C8orf34: variants seen among roughly 807,000 people sequenced by gnomAD.
The protein encoded by C8orf34 is uncharacterized protein C8orf34.
Under a neutral mutation model 68.3 loss-of-function variants are expected in C8orf34, and 65 were observed. That is an observed-to-expected ratio of 0.95 (90% CI 0.78 to 1.17). C8orf34 has a LOEUF of 1.17. Ranked by LOEUF, C8orf34 falls within the 50% of genes most tolerant of loss-of-function variation. C8orf34 has a pLI of 0.00. For synonymous variants in C8orf34, 244 were observed against 241.2 expected, an observed-to-expected ratio of 1.01 and a Z score of -0.11; for missense variants, 664 against 655.4, an observed-to-expected ratio of 1.01 and a Z score of -0.14.
chr8:68,331,651 G>A (rs1336668133), intron 1 of C8orf34, among the ~76,000 whole-genome samples: 2 of 151,874 alleles, frequency 1.3e-5, no homozygotes, highest in African/African-American at 4.8e-5. Flanking sequence ...CAGGACCCGG[G>A]CAGGCTGAGG....
chr8:68,433,286 C>G (rs965409216), intron 1 of C8orf34, among the ~76,000 whole-genome samples: 2 of 152,100 alleles, frequency 1.3e-5, no homozygotes, highest in Non-Finnish European at 2.9e-5. Flanking sequence ...AAATAACATT[C>G]TACAGCTGAT....
chr8:68,584,781 T>G (rs1225243284), intron 7 of C8orf34, among the ~76,000 whole-genome samples: 1 of 152,170 alleles, frequency 6.6e-6, no homozygotes, highest in Non-Finnish European at 1.5e-5. Flanking sequence ...TGGTTCTTAT[T>G]GCATAGAAAT....
intron 12 of C8orf34, among the ~76,000 whole-genome samples, chr8:68,803,824 T>A (rs1219891320): frequency 2.6e-5 from 4 of 152,128 alleles, no homozygotes; most frequent in Admixed American, 6.6e-5. Context: ...CATTTTTTTT[T>A]AACTGAATTA....
chr8:68,471,986 A>T (rs1444457526), intron 4 of C8orf34, among the ~76,000 whole-genome samples: 1 of 151,668 alleles, frequency 6.6e-6, no homozygotes, highest in Non-Finnish European at 1.5e-5. Flanking sequence ...ACCAGGAAAG[A>T]CTAGATAGTC....
At chr8:68,798,023 T>C (rs898292393) in intron 12 of C8orf34, among the ~76,000 whole-genome samples, 9 of 152,104 alleles carry the variant, frequency 5.9e-5, no homozygotes, top group African/African-American at 2.2e-4. Flanking sequence ...TGAAGACAGC[T>C]AGAAAAATGA....
At chr8:68,452,540 GT>G (rs1811387637) in intron 3 of C8orf34, among the ~76,000 whole-genome samples, 1 of 150,810 alleles carries the variant, frequency 6.6e-6, no homozygotes. Context: ...ATCTTTTCAA[GT>G]GTTTCTTGGC....
intron 3 of C8orf34, chr8:68,447,805 G>A (rs996599331): frequency 6.6e-6 from 1 of 152,084 alleles, no homozygotes; most frequent in Admixed American, 6.5e-5. Context: ...AACTTAAAAT[G>A]TTCTTCAGAA....
intron 8 of C8orf34, among the ~76,000 whole-genome samples, chr8:68,643,957 T>G (rs1819090514): frequency 6.6e-6 from 1 of 152,164 alleles, no homozygotes; most frequent in Non-Finnish European, 1.5e-5. Context: ...CCAGTGCACT[T>G]TGGTCTGTCT....
At chr8:68,672,504 G>A (rs1286821169) in intron 8 of C8orf34, among the ~76,000 whole-genome samples, 1 of 152,170 alleles carries the variant, frequency 6.6e-6, no homozygotes, top group Admixed American at 6.5e-5. Context: ...GAAACTCAGT[G>A]CTGCCCGGTC....
Position 68,712,524 on chromosome 8 carries a change from G to A in C8orf34, c.1327+3445G>A, listed in dbSNP as rs552430635. Among the ~76,000 whole-genome samples the A allele has an allele frequency of 3.4e-4, 51 of 152,228 alleles. No homozygotes were observed. The South Asian group carries it at 1.0e-2, about 30-fold the overall frequency. ...TATTCCATGCAAATGGACACCAAAA[G>A]TGAGCAGGAGTAGGTATTTTTATAT... On this transcript the variant is annotated intron_variant, in intron 9 of 13. Coordinates refer to ENST00000518698, the MANE Select transcript of C8orf34 (RefSeq NM_052958.4).
chr8:68,423,160 G>A (rs995472021), intron 1 of C8orf34, among the ~76,000 whole-genome samples: 6 of 152,108 alleles, frequency 3.9e-5, no homozygotes, highest in South Asian at 2.1e-4. Context: ...TTTCTGCAGC[G>A]GGCTTGAATT....
At chr8:68,718,894 T>G (rs548224937) in intron 9 of C8orf34, among the ~76,000 whole-genome samples, 1 of 151,980 alleles carries the variant, frequency 6.6e-6, no homozygotes, top group Non-Finnish European at 1.5e-5. Flanking sequence ...CTTCAGTTTC[T>G]TCTTCTCTAA....
intron 9 of C8orf34, among the ~76,000 whole-genome samples, chr8:68,715,293 G>T (rs991242881): frequency 6.6e-6 from 1 of 152,124 alleles, no homozygotes; most frequent in African/African-American, 2.4e-5. Flanking sequence ...GAACTAAAAA[G>T]CTTCTGCACA....
chr8:68,512,017 C>T (rs1028689597), intron 5 of C8orf34, among the ~76,000 whole-genome samples: 1 of 152,124 alleles, frequency 6.6e-6, no homozygotes, highest in Non-Finnish European at 1.5e-5. Context: ...TCAAATGTCA[C>T]AATCTTCAAA....
chr8:68,635,462 G>A (rs1818808604), intron 7 of C8orf34, among the ~76,000 whole-genome samples: 1 of 152,108 alleles, frequency 6.6e-6, no homozygotes. Flanking sequence ...AAAAGAGAAA[G>A]CAACTTTTAG....
intron 10 of C8orf34, among the ~76,000 whole-genome samples, chr8:68,754,134 C>A (rs1294958186): frequency 1.3e-5 from 2 of 152,046 alleles, no homozygotes; most frequent in African/African-American, 4.8e-5. Flanking sequence ...GGGCCGGGAG[C>A]AATTTAGTTC....
chr8:68,627,655 G>A (rs1818574983), intron 7 of C8orf34, among the ~76,000 whole-genome samples: 2 of 152,160 alleles, frequency 1.3e-5, no homozygotes, highest in Non-Finnish European at 2.9e-5. Flanking sequence ...GTTTGGATTT[G>A]AATTTGCTTG....
chr8:68,524,149 C>T (rs1177169081), intron 6 of C8orf34, among the ~76,000 whole-genome samples: 1 of 152,210 alleles, frequency 6.6e-6, no homozygotes, highest in Admixed American at 6.5e-5. Flanking sequence ...AACACTCCAT[C>T]TTTGTTACAT....
intron 7 of C8orf34, among the ~76,000 whole-genome samples, chr8:68,579,817 A>G (rs1354241437): frequency 6.6e-6 from 1 of 152,156 alleles, no homozygotes; most frequent in African/African-American, 2.4e-5. Flanking sequence ...TATACTGCAA[A>G]CTATAGTTTT....
Sources: gnomAD v4.1 joint callset for allele counts (sites outside exome capture counted in the v4.1 genomes callset) on GRCh38, gnomAD v4.1.1 for gene constraint, MANE v1.5 for transcripts, NCBI Gene and HGNC (gene_info 2026-07-23, HGNC 2026-07-21) for gene names.